The following GPAT4 variants were observed in gnomAD, a reference collection of about 807,000 sequenced individuals.
GPAT4 encodes the protein glycerol-3-phosphate acyltransferase 4, also known as 1-AGP acyltransferase 6.
In GPAT4, 17 loss-of-function variants were observed where a neutral mutation model predicts 58.0. The observed-to-expected ratio is 0.29, with a 90% CI of 0.20 to 0.44. The LOEUF is 0.44. GPAT4 is among the 20% of genes least tolerant of loss of function. The pLI is 1.00. For synonymous variants in GPAT4, 204 were observed against 210.1 expected, an observed-to-expected ratio of 0.97 and a Z score of 0.25; for missense variants, 377 against 574.5, an observed-to-expected ratio of 0.66 and a Z score of 3.51.
intron 1 of GPAT4, among the ~76,000 whole-genome samples, chr8:41,588,060 G>A (rs1770959484): frequency 6.6e-6 from 1 of 152,156 alleles, no homozygotes; most frequent in South Asian, 2.1e-4. Flanking sequence ...TGTGTCATAC[G>A]TTATAATGCT....
chr8:41,619,413 T>G (rs1803687687), intron 12 of GPAT4: 1 of 187,546 alleles, frequency 5.3e-6, no homozygotes. Flanking sequence ...ACATACTTTT[T>G]CTGTAGTCAG....
At chr8:41,604,710 G>C (rs571506546) in intron 2 of GPAT4, among the ~76,000 whole-genome samples, 1 of 152,238 alleles carries the variant, frequency 6.6e-6, no homozygotes, top group Non-Finnish European at 1.5e-5. Flanking sequence ...GATGTGATCT[G>C]TGTTAAACTC....
In GPAT4 at chr8:41,598,924, CTGGCGTTTGCAGTTGCCTCCTG is replaced by C; in HGVS notation, c.-211_-190del. 2 of 589,002 alleles carry C rather than the reference CTGGCGTTTGCAGTTGCCTCCTG, an allele frequency of 3.4e-6. No homozygotes were observed. Among genetic ancestry groups the C allele is most frequent in the Non-Finnish European group, 5.9e-6 (2 of 341,024 alleles). 36.5% of individuals were successfully genotyped at this position (589,002 alleles called of 1,614,324 possible). A position where few individuals can be genotyped will look rare whatever the true frequency, so the allele number is the denominator to read the frequency against. The stretch of plus-strand genomic sequence containing the variant: ...TAGAGTCCATCCATTCTGGAGAGAC[CTGGCGTTTGCAGTTGCCTCCTG>C]TGGCCGTGTTTTTCTGTCATTCTGT... On this transcript the variant is annotated 5_prime_UTR_variant, in exon 2 of 13. The change abolishes the stop of an existing upstream ORF in the 5' untranslated region. Transcript: ENST00000396987.
intron 5 of GPAT4, 135 bp from the exon 6 acceptor site, chr8:41,611,768 G>A: frequency 1.4e-6 from 1 of 709,230 alleles, no homozygotes; most frequent in Non-Finnish European, 2.4e-6. Context: ...ATGCATCACA[G>A]GACTTTCCTG....
In GPAT4 at chr8:41,595,933, G is replaced by A. The variant is rs372231881; in HGVS notation, c.-848-2359G>A. ...ACTGTGGCGGGGCAGGGGTGGGGGG[G>A]TGTGATCTAAAACCAGCTGTAACCA... On this transcript the variant is annotated intron_variant, in intron 1 of 12. Coordinates refer to ENST00000396987, the MANE Select transcript of GPAT4 (RefSeq NM_178819.4). Among the ~76,000 whole-genome samples the A allele has an allele frequency of 8.6e-5, 13 of 152,046 alleles. 1 individual carries two copies. The highest frequency in any genetic ancestry group is 8.5e-4 in the Admixed American group (13 of 15,264).
At chr8:41,591,902 C>T (rs1287084567) in intron 1 of GPAT4, among the ~76,000 whole-genome samples, 3 of 152,236 alleles carry the variant, frequency 2.0e-5, no homozygotes, top group Non-Finnish European at 2.9e-5. Flanking sequence ...TAGCATTTCT[C>T]ATCTGAGTTT....
rs748770051 is a variant in GPAT4, at chr8:41,620,917, G to A, written c.1287G>A (p.Lys429=). The part of the protein sequence containing the change: ...LLWDGGLKRE[K]VKDTFKEEQQ... ...GGGATGGGGGCCTGAAGAGGGAGAA[G>A]GTGAAGGACACGTTCAAGGAGGAGC... is the stretch of plus-strand genomic sequence containing the variant. The change falls in exon 13 of 13, where the codon AAG becomes AAA. Residue 429 remains lysine (K), a synonymous_variant. Coordinates refer to ENST00000396987, the MANE Select transcript of GPAT4 (RefSeq NM_178819.4). 20 of 1,551,506 alleles carry A rather than the reference G, an allele frequency of 1.3e-5. No individual in the cohort carries two copies. The South Asian group carries it at 2.3e-4, about 18-fold the overall frequency.
At chr8:41,598,060 C>T (rs11996670) in intron 1 of GPAT4, among the ~76,000 whole-genome samples, 67,549 of 152,014 alleles carry the variant, frequency 0.44, 15,188 homozygotes, top group Middle Eastern at 0.53. Context: ...GTTTGACCAC[C>T]GATCATATCA....
chr8:41,619,390 T>C (rs1276794824), intron 12 of GPAT4: 1 of 210,572 alleles, frequency 4.7e-6, no homozygotes, highest in East Asian at 1.1e-4. Flanking sequence ...TGTTACCTAA[T>C]AGAGCAGGAT....
At chr8:41,610,906 A>G in intron 5 of GPAT4, 96 bp downstream of exon 5, 1 of 1,294,986 alleles carries the variant, frequency 7.7e-7, no homozygotes. Flanking sequence ...GACACAACCA[A>G]AGCCATGGAA....
intron 1 of GPAT4, among the ~76,000 whole-genome samples, chr8:41,597,321 G>A (rs1802960506): frequency 6.6e-6 from 1 of 152,158 alleles, no homozygotes; most frequent in African/African-American, 2.4e-5. Context: ...AAGGTGATTA[G>A]TGTGAAGCCA....
chr8:41,623,369 C>T lies in GPAT4; in HGVS notation c.*2368C>T, dbSNP rs1803815014. The T allele has an allele frequency of 6.6e-6, 1 of 152,168 alleles. No homozygotes were observed. Among genetic ancestry groups the T allele is most frequent in the Non-Finnish European group, 1.5e-5 (1 of 68,058 alleles). The allele number at this position is 152,168 out of a possible 1,614,324, so 9.4% of individuals were successfully genotyped here. A position where few individuals can be genotyped will look rare whatever the true frequency, so the allele number is the denominator to read the frequency against. On this transcript the variant is annotated 3_prime_UTR_variant, in exon 13 of 13. Coordinates refer to ENST00000396987, the MANE Select transcript of GPAT4 (RefSeq NM_178819.4). ...AAGACACTTAGAAACATGCAAAGTACAAAATAATGTGTTCCCTCCTGTTAC... is the reference window on the plus strand; with the variant it reads ...AAGACACTTAGAAACATGCAAAGTATAAAATAATGTGTTCCCTCCTGTTAC...
intron 2 of GPAT4, among the ~76,000 whole-genome samples, chr8:41,604,053 T>TTG (rs1803185958): frequency 8.2e-6 from 1 of 122,144 alleles, no homozygotes; most frequent in African/African-American, 3.2e-5. Flanking sequence ...TTTTTTTTTT[T>TTG]GCCTTCTTCC....
At chr8:41,603,794 G>T (rs1023619911) in intron 2 of GPAT4, among the ~76,000 whole-genome samples, 2 of 152,146 alleles carry the variant, frequency 1.3e-5, no homozygotes, top group African/African-American at 4.8e-5. Flanking sequence ...CCAACCAGGT[G>T]TAGGCAGCCC....
At chr8:41,582,674 AGTGTGT>A (rs34365074) in intron 1 of GPAT4, among the ~76,000 whole-genome samples, 27 of 142,486 alleles carry the variant, frequency 1.9e-4, no homozygotes, top group Admixed American at 1.7e-3. Context: ...AGAGAGAGAG[AGTGTGT>A]GTGTGTGTGT....
intron 12 of GPAT4, among the ~76,000 whole-genome samples, chr8:41,620,138 C>A (rs1414571455): frequency 6.6e-6 from 1 of 152,204 alleles, no homozygotes; most frequent in African/African-American, 2.4e-5. Context: ...AAATCTATGC[C>A]TTTGCTATGG....
chr8:41,591,520 C>T (rs573641596), intron 1 of GPAT4, among the ~76,000 whole-genome samples: 2 of 152,174 alleles, frequency 1.3e-5, no homozygotes, highest in Non-Finnish European at 2.9e-5. Context: ...CAAGACAGAT[C>T]GATAGTGATT....
rs936799162 is a variant in GPAT4, at chr8:41,624,721, A to G, written c.*3720A>G. On this transcript the variant is annotated 3_prime_UTR_variant, in exon 13 of 13. Transcript: ENST00000396987. The stretch of plus-strand genomic sequence containing the variant: ...TCTCTCTCCGATGGGAAAGTTAATA[A>G]ATTTTGCTCTAGATTAAAAGTATTG... 6.6e-6 allele frequency: 1 copy of G among 152,128 alleles called. No homozygotes were observed. Among genetic ancestry groups the G allele is most frequent in the Non-Finnish European group, 1.5e-5 (1 of 68,032 alleles). The allele number at this position is 152,128 out of a possible 1,614,324, so 9.4% of individuals were successfully genotyped here. A position where few individuals can be genotyped will look rare whatever the true frequency, so the allele number is the denominator to read the frequency against.
intron 3 of GPAT4, 40 bp downstream of exon 3, chr8:41,609,525 T>A: frequency 6.2e-7 from 1 of 1,610,014 alleles, no homozygotes; most frequent in Non-Finnish European, 8.5e-7. Context: ...GAGGTCCATT[T>A]GAACAGTGTT....
Sources: allele counts gnomAD v4.1 joint callset (sites outside exome capture counted in the v4.1 genomes callset), GRCh38; gene constraint gnomAD v4.1.1; transcripts MANE v1.5; gene names NCBI Gene and HGNC (gene_info 2026-07-23, HGNC 2026-07-21).